The following LRP1B variants were observed in gnomAD, a reference collection of about 807,000 sequenced individuals.
The protein encoded by LRP1B is LDL receptor related protein 1B, also known as low-density lipoprotein receptor-related protein 1B.
In LRP1B, 217 loss-of-function variants were observed where a neutral mutation model predicts 556.6. The observed-to-expected ratio is 0.39, with a 90% confidence interval of 0.35 to 0.44. The LOEUF is 0.44. LRP1B is among the 20% of genes least tolerant of loss of function. The probability of loss-of-function intolerance (pLI) is 1.00; values close to 1 mark genes in which losing one functional copy is unlikely to be tolerated. For synonymous variants in LRP1B, 2,047 were observed against 1,865.8 expected (o/e 1.10, Z -2.50); for missense variants, 5,053 against 5,620.8 (o/e 0.90, Z 3.23).
At chr2:140,533,042 G>A (rs1440307496) in intron 47 of LRP1B, among the ~76,000 whole-genome samples, 1 of 150,196 alleles carries the variant, frequency 6.7e-6, no homozygotes, top group Non-Finnish European at 1.5e-5. Flanking sequence ...TTTGCGTCTC[G>A]AACCTTAATG....
chr2:142,076,028 C>T (rs1012757571), intron 1 of LRP1B, among the ~76,000 whole-genome samples: 1 of 152,086 alleles, frequency 6.6e-6, no homozygotes, highest in African/African-American at 2.4e-5. Flanking sequence ...TTAACCACAG[C>T]CCCCTCCCAC....
At chr2:141,336,463 T>C (rs78905092) in intron 3 of LRP1B, among the ~76,000 whole-genome samples, 3,451 of 152,302 alleles carry the variant, frequency 0.023, 71 homozygotes, top group South Asian at 0.063. Flanking sequence ...TCTTCATAAA[T>C]CCCTTTTCCC....
At chr2:140,613,235 T>C (rs1243451412) in intron 41 of LRP1B, among the ~76,000 whole-genome samples, 7 of 144,942 alleles carry the variant, frequency 4.8e-5, no homozygotes, top group Non-Finnish European at 1.5e-5. Flanking sequence ...AATATATATA[T>C]ATTACAATTA....
intron 1 of LRP1B, among the ~76,000 whole-genome samples, chr2:142,072,549 C>T (rs913583044): frequency 2.6e-5 from 4 of 151,888 alleles, no homozygotes; most frequent in Admixed American, 2.0e-4. Context: ...GAATGCAGCC[C>T]AATACAATTT....
At chr2:141,522,801 C>T (rs10183016) in intron 2 of LRP1B, among the ~76,000 whole-genome samples, 5,196 of 152,282 alleles carry the variant, frequency 0.034, 149 homozygotes, top group South Asian at 0.12. Flanking sequence ...CTTTTGCCCT[C>T]TGCAAGCTGC....
intron 1 of LRP1B, among the ~76,000 whole-genome samples, chr2:141,968,008 C>T (rs1456111773): frequency 6.6e-6 from 1 of 151,786 alleles, no homozygotes; most frequent in Admixed American, 6.6e-5. Flanking sequence ...ATCCAATTAA[C>T]AAATACAGTT....
chr2:140,598,445 A>C (rs961906701), intron 43 of LRP1B, among the ~76,000 whole-genome samples, 186 bp downstream of exon 43: 2 of 152,226 alleles, frequency 1.3e-5, no homozygotes, highest in Admixed American at 1.3e-4. Flanking sequence ...TGCATTTGAA[A>C]GAAGTTTTCA....
chr2:141,303,692 A>G (rs1189876027), intron 3 of LRP1B, among the ~76,000 whole-genome samples: 1 of 152,200 alleles, frequency 6.6e-6, no homozygotes, highest in Non-Finnish European at 1.5e-5. Context: ...AGTTGATTAC[A>G]CAGCCTTGCT....
chr2:140,972,424 A>C (rs1046996671), intron 18 of LRP1B, among the ~76,000 whole-genome samples: 9 of 152,198 alleles, frequency 5.9e-5, no homozygotes, highest in African/African-American at 2.2e-4. Context: ...GGTTTGAAAG[A>C]AAATTAAAAC....
rs149459582 is a variant in LRP1B at position 140,975,423 on chromosome 2, A to G, written c.2887+6737T>C. Among the ~76,000 whole-genome samples, 686 of 152,208 alleles carry G rather than the reference A, an allele frequency of 4.5e-3. 3 individuals carry two copies. The highest frequency in any genetic ancestry group is 7.2e-3 in the Non-Finnish European group (487 of 68,004). On this transcript the variant is annotated intron_variant, in intron 18 of 90. Transcript: ENST00000389484. ...GCAGCAGAAAGGAAGTTTCCTCTAGACCTGCTTGAAAAGATGTTACTCATT... is the reference window on the plus strand; with the variant it reads ...GCAGCAGAAAGGAAGTTTCCTCTAGGCCTGCTTGAAAAGATGTTACTCATT...
At chr2:140,380,612 TA>T (rs1683431335) in intron 67 of LRP1B, among the ~76,000 whole-genome samples, 1 of 152,146 alleles carries the variant, frequency 6.6e-6, no homozygotes, top group Non-Finnish European at 1.5e-5. Context: ...CTTACATGTT[TA>T]AAAACAGCAG....
intron 2 of LRP1B, among the ~76,000 whole-genome samples, chr2:141,732,114 A>T (rs894720489): frequency 2.6e-5 from 4 of 152,066 alleles, no homozygotes; most frequent in Non-Finnish European, 4.4e-5. Context: ...TTCTCATATC[A>T]CCTGAATTTC....
intron 3 of LRP1B, among the ~76,000 whole-genome samples, chr2:141,343,251 C>A (rs1053840136): frequency 2.6e-5 from 4 of 152,132 alleles, no homozygotes; most frequent in Non-Finnish European, 1.5e-5. Flanking sequence ...CTATTTAGGT[C>A]TTTGCATAAT....
chr2:141,115,625 T>TTGTGTGTGTGTGCGTG, intron 7 of LRP1B, among the ~76,000 whole-genome samples: 1 of 91,562 alleles, frequency 1.1e-5, no homozygotes, highest in East Asian at 4.5e-4. Flanking sequence ...CCCGGCTAAT[T>TTGTGTGTGTGTGCGTG]TGTGTGTGTG....
chr2:141,026,582 C>T (rs994538328), intron 11 of LRP1B, among the ~76,000 whole-genome samples: 1 of 152,046 alleles, frequency 6.6e-6, no homozygotes, highest in Non-Finnish European at 1.5e-5. Flanking sequence ...TCAACCAAAA[C>T]TATACTTGTT....
At chr2:142,072,650 C>T (rs1229926887) in intron 1 of LRP1B, among the ~76,000 whole-genome samples, 1 of 151,834 alleles carries the variant, frequency 6.6e-6, no homozygotes, top group Non-Finnish European at 1.5e-5. Context: ...TTGTATGTGG[C>T]CCAAGACAAT....
intron 41 of LRP1B, among the ~76,000 whole-genome samples, chr2:140,645,498 T>C (rs1223761335): frequency 1.3e-5 from 2 of 151,106 alleles, no homozygotes; most frequent in Non-Finnish European, 2.9e-5. Context: ...CTTTCTATAT[T>C]CCTCATATCT....
At chr2:140,986,441 T>C (rs1211396352) in intron 17 of LRP1B, among the ~76,000 whole-genome samples, 2 of 152,146 alleles carry the variant, frequency 1.3e-5, no homozygotes, top group African/African-American at 4.8e-5. Context: ...CCTTCCAAGA[T>C]AGAAAATCAA....
intron 2 of LRP1B, among the ~76,000 whole-genome samples, chr2:141,716,882 G>T (rs892704345): frequency 9.2e-5 from 14 of 151,990 alleles, no homozygotes; most frequent in Admixed American, 9.2e-4. Context: ...AAATAAATTA[G>T]CAATTTTGAA....
Sources: gnomAD v4.1 joint callset for allele counts (sites outside exome capture counted in the v4.1 genomes callset) on GRCh38, gnomAD v4.1.1 for gene constraint, MANE v1.5 for transcripts, NCBI Gene and HGNC (gene_info 2026-07-23, HGNC 2026-07-21) for gene names.